Variants in C13orf46 observed in about 807,000 individuals in gnomAD.
The protein encoded by C13orf46 is uncharacterized protein C13orf46.
the C13orf46 span, among the ~76,000 whole-genome samples, chr13:113,936,150 C>A: frequency 6.6e-6 from 1 of 152,188 alleles, no homozygotes; most frequent in Non-Finnish European, 1.5e-5. Flanking sequence ...ATTGAGTCAT[C>A]AGCCCAGGTG....
intron 2 of C13orf46, among the ~76,000 whole-genome samples, chr13:113,969,609 T>C (rs895959528): frequency 6.6e-6 from 1 of 152,216 alleles, no homozygotes. Context: ...TCGACTTTGT[T>C]AGATCTGAGA....
rs2052632027 is a variant in C13orf46 at position 113,965,751 on chromosome 13, GAT to G, written c.505-759_505-758del. Among the ~76,000 whole-genome samples, 17 of 77,236 alleles carry G rather than the reference GAT, an allele frequency of 2.2e-4. 1 individual carries two copies. The highest frequency in any genetic ancestry group is 8.7e-4 in the East Asian group (3 of 3,458). The allele number at this position is 77,236 out of a possible 152,430, so 50.7% of individuals were successfully genotyped here. On this transcript the variant is annotated intron_variant, in intron 5 of 6. Transcript: ENST00000636427. ...TGATGGTGAAGGTGATGATGGTGAT[GAT>G]GGTGATGGTGATGATGGTGATGGTG... is the stretch of plus-strand genomic sequence containing the variant.
the C13orf46 span, among the ~76,000 whole-genome samples, chr13:113,930,172 C>G: frequency 3.3e-5 from 5 of 152,224 alleles, no homozygotes; most frequent in African/African-American, 1.2e-4. Context: ...AGGAATGTGA[C>G]TGTGCCTGGA....
chr13:113,971,655 C>T (rs2052707031), intron 1 of C13orf46, among the ~76,000 whole-genome samples: 1 of 152,242 alleles, frequency 6.6e-6, no homozygotes, highest in Non-Finnish European at 1.5e-5. Flanking sequence ...CCCCACGTCT[C>T]CCGCATCCCG....
At chr13:113,938,093 C>T in the C13orf46 span, among the ~76,000 whole-genome samples, 1 of 152,146 alleles carries the variant, frequency 6.6e-6, no homozygotes, top group Admixed American at 6.5e-5. Context: ...TCTGGGGTCC[C>T]GAGAATGATT....
the C13orf46 span, among the ~76,000 whole-genome samples, chr13:113,930,284 AC>A: frequency 0.01 from 1,597 of 152,282 alleles, 15 homozygotes; most frequent in South Asian, 0.021. Context: ...TGCACAAGAA[AC>A]GCAAAGGCAC....
intron 4 of C13orf46, among the ~76,000 whole-genome samples, chr13:113,968,239 C>T (rs2052669168): frequency 6.6e-6 from 1 of 152,160 alleles, no homozygotes; most frequent in African/African-American, 2.4e-5. Context: ...TTAGTGACTG[C>T]ACGTTTGGCA....
At chr13:113,968,232 G>A (rs1236715370) in intron 4 of C13orf46, among the ~76,000 whole-genome samples, 2 of 152,174 alleles carry the variant, frequency 1.3e-5, no homozygotes, top group African/African-American at 4.8e-5. Context: ...TACACCTTTA[G>A]TGACTGCACG....
downstream of C13orf46, among the ~76,000 whole-genome samples, chr13:113,951,474 C>A (rs886815323): frequency 1.8e-4 from 28 of 152,306 alleles, no homozygotes; most frequent in Middle Eastern, 0.01. Flanking sequence ...ACCACTCCCC[C>A]CCGCCGCCAC....
intron 6 of C13orf46, among the ~76,000 whole-genome samples, chr13:113,963,976 T>C (rs1044610506): frequency 5.3e-5 from 8 of 152,090 alleles, no homozygotes; most frequent in Admixed American, 2.0e-4. Context: ...TCGGCCTCCC[T>C]AGTAGCTGGA....
chr13:113,927,482 A>G, the C13orf46 span: 1 of 398,698 alleles, frequency 2.5e-6, no homozygotes, highest in East Asian at 3.6e-5. Context: ...GTCCTGGGCT[A>G]TCTCCTCCTG....
the C13orf46 span, among the ~76,000 whole-genome samples, chr13:113,930,122 T>C: frequency 6.6e-6 from 1 of 152,172 alleles, no homozygotes; most frequent in East Asian, 1.9e-4. Flanking sequence ...TGAGGCAGCC[T>C]TGGGTCTGCA....
At chr13:113,945,781 C>T in the C13orf46 span, among the ~76,000 whole-genome samples, 4 of 152,258 alleles carry the variant, frequency 2.6e-5, no homozygotes, top group East Asian at 3.9e-4. Context: ...CCTTGGGAGG[C>T]GTCGAATCGT....
At chr13:113,959,097 G>A (rs1446157181) in intron 6 of C13orf46, among the ~76,000 whole-genome samples, 1 of 152,038 alleles carries the variant, frequency 6.6e-6, no homozygotes, top group African/African-American at 2.4e-5. Flanking sequence ...ACCAACATAG[G>A]GAGATCCCCA....
the C13orf46 span, among the ~76,000 whole-genome samples, chr13:113,942,663 G>A: frequency 4.6e-5 from 7 of 152,188 alleles, no homozygotes; most frequent in South Asian, 2.1e-4. Context: ...ACGCGGGCAC[G>A]GGCAACCAGG....
chr13:113,934,027 C>T, the C13orf46 span, among the ~76,000 whole-genome samples: 1 of 152,172 alleles, frequency 6.6e-6, no homozygotes, highest in Non-Finnish European at 1.5e-5. Flanking sequence ...AGATGCATGA[C>T]CGTCCATCCC....
chr13:113,937,582 C>T, the C13orf46 span, among the ~76,000 whole-genome samples: 1 of 152,178 alleles, frequency 6.6e-6, no homozygotes. Flanking sequence ...GTTCAGGACG[C>T]ACCTGTGACA....
intron 6 of C13orf46, among the ~76,000 whole-genome samples, chr13:113,959,131 C>T (rs1326173308): frequency 6.6e-6 from 1 of 152,010 alleles, no homozygotes; most frequent in Non-Finnish European, 1.5e-5. Context: ...AAAAAATTAG[C>T]TGGGCATGAT....
At chr13:113,927,299 C>T in the C13orf46 span, 1 of 373,432 alleles carries the variant, frequency 2.7e-6, no homozygotes. Flanking sequence ...ATATGTGGGA[C>T]AGGCTCCTCG....
Sources: allele counts gnomAD v4.1 joint callset (sites outside exome capture counted in the v4.1 genomes callset), GRCh38; gene constraint gnomAD v4.1.1; transcripts MANE v1.5; gene names NCBI Gene and HGNC (gene_info 2026-07-23, HGNC 2026-07-21).